The following MCC variants were observed in gnomAD, a reference collection of about 807,000 sequenced individuals.
The protein encoded by MCC is colorectal mutant cancer protein.
Under a neutral mutation model 116.2 loss-of-function variants are expected in MCC, and 90 were observed. The observed-to-expected ratio is 0.77, with a 90% CI of 0.65 to 0.92. MCC has a LOEUF of 0.92. Among genes scored for constraint, MCC ranks in the 40% least tolerant of loss-of-function variants. The pLI is 0.00. For missense variants in MCC, 1,516 were observed against 1,312.2 expected (o/e 1.16, Z -2.40); for synonymous variants, 578 against 510.5 (o/e 1.13, Z -1.78).
intron 2 of MCC, among the ~76,000 whole-genome samples, chr5:113,353,979 T>A (rs541992193): frequency 1.3e-5 from 2 of 152,334 alleles, no homozygotes; most frequent in South Asian, 2.1e-4. Flanking sequence ...TGAGAGTCAA[T>A]ATCAGCAATT....
chr5:113,123,802 C>T (rs1035067965), intron 5 of MCC, among the ~76,000 whole-genome samples: 9 of 152,106 alleles, frequency 5.9e-5, no homozygotes, highest in African/African-American at 1.9e-4. Context: ...AGTGGAATGC[C>T]CACTTGGGTC....
intron 11 of MCC, among the ~76,000 whole-genome samples, chr5:113,081,580 C>T (rs1192130834): frequency 6.6e-6 from 1 of 152,140 alleles, no homozygotes; most frequent in Non-Finnish European, 1.5e-5. Context: ...CTCACTAAAT[C>T]GAGGTCCCCC....
intron 3 of MCC, among the ~76,000 whole-genome samples, chr5:113,233,518 G>T (rs1215423944): frequency 1.3e-5 from 2 of 152,114 alleles, no homozygotes; most frequent in South Asian, 4.1e-4. Context: ...GGTATCTTAA[G>T]CCCTCATTCC....
Position 113,459,319 on chromosome 5 carries a change from C to T in MCC, c.170+28926G>A, listed in dbSNP as rs180849816. On this transcript the variant is annotated intron_variant, in intron 1 of 18. Coordinates refer to ENST00000408903, the MANE Select transcript of MCC (RefSeq NM_001085377.2). ...GAGGGAGGCCGAGGCGGGTGGATCA[C>T]GAGGTCAGGAGATCGAGACCATCTT... 6.7e-3 allele frequency among the ~76,000 whole-genome samples: 1,017 copies of T among 151,890 alleles called. 6 individuals are homozygous for T. The highest frequency in any genetic ancestry group is 0.014 in the Middle Eastern group (4 of 294).
chr5:113,419,137 T>G (rs1333055031), intron 1 of MCC, among the ~76,000 whole-genome samples: 1 of 151,974 alleles, frequency 6.6e-6, no homozygotes, highest in Non-Finnish European at 1.5e-5. Context: ...AGGTTTCTTT[T>G]GAAGGTGATA....
intron 3 of MCC, among the ~76,000 whole-genome samples, chr5:113,321,772 T>C (rs1406808073): frequency 6.6e-6 from 1 of 152,248 alleles, no homozygotes; most frequent in East Asian, 1.9e-4. Context: ...AGAGAGCTGG[T>C]TAAAATGCAG....
At chr5:113,123,062 T>C (rs540678471) in intron 5 of MCC, among the ~76,000 whole-genome samples, 14 of 152,198 alleles carry the variant, frequency 9.2e-5, no homozygotes, top group Admixed American at 2.6e-4. Context: ...ACGAGATTCA[T>C]CTATCAGCCT....
rs548775330 is a variant in MCC at position 113,107,225 on chromosome 5, T to G, written c.1028-2870A>C. Among the ~76,000 whole-genome samples the G allele has an allele frequency of 2.2e-4, 31 of 142,588 alleles. No individual in the cohort carries two copies. The South Asian group carries it at 6.5e-3, about 30-fold the overall frequency. The allele number at this position is 142,588 out of a possible 152,430, so 93.5% of individuals were successfully genotyped here. On this transcript the variant is annotated intron_variant, in intron 6 of 18. Coordinates refer to ENST00000408903, the MANE Select transcript of MCC (RefSeq NM_001085377.2). ...ATGTTTTTCTTTTTTTTTTTTCTTT[T>G]TTTTTTTTTTGAGATGGAGTCTCGC...
chr5:113,383,859 G>C (rs966611494), intron 2 of MCC, among the ~76,000 whole-genome samples: 2 of 152,126 alleles, frequency 1.3e-5, no homozygotes, highest in Non-Finnish European at 2.9e-5. Context: ...ATTGTTTAAA[G>C]ATGTGTGTGT....
At chr5:113,089,886 G>C (rs895220968) in intron 8 of MCC, among the ~76,000 whole-genome samples, 1 of 152,160 alleles carries the variant, frequency 6.6e-6, no homozygotes, top group Non-Finnish European at 1.5e-5. Flanking sequence ...AAAACATAAA[G>C]AGAAGCTGAT....
intron 3 of MCC, among the ~76,000 whole-genome samples, chr5:113,216,402 G>C (rs1208883646): frequency 6.6e-6 from 1 of 152,152 alleles, no homozygotes; most frequent in East Asian, 1.9e-4. Context: ...CACGTTCTTT[G>C]TCTTTCTAAG....
intron 3 of MCC, among the ~76,000 whole-genome samples, chr5:113,238,686 T>C (rs987251434): frequency 6.6e-6 from 1 of 152,196 alleles, no homozygotes; most frequent in Non-Finnish European, 1.5e-5. Context: ...ATTAGTTTCA[T>C]CCTCCCACAT....
At chr5:113,421,240 G>A (rs140868245) in intron 1 of MCC, among the ~76,000 whole-genome samples, 120 of 152,074 alleles carry the variant, frequency 7.9e-4, no homozygotes, top group African/African-American at 2.9e-3. Context: ...TGTTCAGGCT[G>A]GTCCTGAACT....
chr5:113,143,414 G>A (rs780049877), intron 4 of MCC, 54 bp from the exon 5 acceptor site: 19 of 1,596,100 alleles, frequency 1.2e-5, no homozygotes, highest in Non-Finnish European at 1.4e-5. Context: ...ACCTACAGGT[G>A]GATGATTCCA....
intron 5 of MCC, among the ~76,000 whole-genome samples, chr5:113,137,244 T>C (rs1230176912): frequency 6.6e-6 from 1 of 152,112 alleles, no homozygotes; most frequent in East Asian, 1.9e-4. Flanking sequence ...CATCAGATCT[T>C]GTCAGAATTC....
chr5:113,228,434 A>C (rs1158945268), intron 3 of MCC, among the ~76,000 whole-genome samples: 1 of 152,192 alleles, frequency 6.6e-6, no homozygotes, highest in African/African-American at 2.4e-5. Flanking sequence ...AAACGGCCTC[A>C]ATGTTAAGGT....
At chr5:113,402,844 G>C (rs1309231814) in intron 1 of MCC, among the ~76,000 whole-genome samples, 3 of 152,106 alleles carry the variant, frequency 2.0e-5, no homozygotes, top group African/African-American at 7.2e-5. Flanking sequence ...GTCCAGGCTG[G>C]AGGGCAGTGG....
At chr5:113,395,140 C>T (rs1212725791) in intron 1 of MCC, among the ~76,000 whole-genome samples, 2 of 152,046 alleles carry the variant, frequency 1.3e-5, no homozygotes, top group African/African-American at 4.8e-5. Context: ...AAATGCATAA[C>T]AAATAAATGA....
In MCC at chr5:113,473,577, C is replaced by A. The variant is rs6874313; in HGVS notation, c.170+14668G>T. Among the ~76,000 whole-genome samples, 431 of 152,192 alleles carry A rather than the reference C, an allele frequency of 2.8e-3. 6 individuals carry two copies. Among genetic ancestry groups the A allele is most frequent in the East Asian group, 0.02 (103 of 5,188 alleles). Reference sequence around the variant, plus strand: ...AAAACAAAACAAAATACTGTGTGGGCAACTGTCCATCAACTTTTCAGTAAC... The same window carrying A: ...AAAACAAAACAAAATACTGTGTGGGAAACTGTCCATCAACTTTTCAGTAAC... On this transcript the variant is annotated intron_variant, in intron 1 of 18. Coordinates refer to ENST00000408903, the MANE Select transcript of MCC (RefSeq NM_001085377.2).
Sources: gnomAD v4.1 joint callset for allele counts (sites outside exome capture counted in the v4.1 genomes callset) on GRCh38, gnomAD v4.1.1 for gene constraint, MANE v1.5 for transcripts, NCBI Gene and HGNC (gene_info 2026-07-23, HGNC 2026-07-21) for gene names.